Variants in ENPP2 observed in about 807,000 individuals in gnomAD.
ENPP2 encodes the protein ectonucleotide pyrophosphatase/phosphodiesterase 2.
A neutral mutation model predicts 120.2 loss-of-function variants in ENPP2; 51 were observed. The observed-to-expected ratio is 0.42, with a 90% CI of 0.34 to 0.54. The LOEUF (loss-of-function observed/expected upper bound fraction) is 0.54. Ranked by LOEUF, ENPP2 falls within the 20% of genes least tolerant of loss-of-function variation. The pLI is 0.04. For missense variants in ENPP2, 920 were observed against 1,066.5 expected (o/e 0.86, Z 1.91); for synonymous variants, 365 against 366.4 (o/e 1.00, Z 0.04).
chr8:119,575,726 G>C (rs755175), intron 19 of ENPP2, among the ~76,000 whole-genome samples: 89,542 of 151,998 alleles, frequency 0.59, 27,913 homozygotes, highest in African/African-American at 0.78. Flanking sequence ...ATGTGAAGTG[G>C]CTTGTTTAGT....
At chr8:119,609,249 T>C (rs1011330424) in intron 8 of ENPP2, among the ~76,000 whole-genome samples, 1 of 152,130 alleles carries the variant, frequency 6.6e-6, no homozygotes, top group Non-Finnish European at 1.5e-5. Context: ...TTGGAGCCTC[T>C]AGAAATCCTC....
chr8:119,605,712 C>T (rs1004784197), intron 9 of ENPP2, among the ~76,000 whole-genome samples: 42 of 98,100 alleles, frequency 4.3e-4, no homozygotes, highest in African/African-American at 2.5e-3. Flanking sequence ...AGGTGATCTG[C>T]CCACCTCAGC....
At chr8:119,616,893 A>C (rs969630887) in intron 7 of ENPP2, among the ~76,000 whole-genome samples, 2 of 152,244 alleles carry the variant, frequency 1.3e-5, no homozygotes, top group Non-Finnish European at 2.9e-5. Flanking sequence ...AATAAACAAT[A>C]GACCCTCTGG....
upstream of ENPP2, among the ~76,000 whole-genome samples, chr8:119,639,633 G>T (rs1352434204): frequency 2.0e-5 from 3 of 152,018 alleles, no homozygotes; most frequent in African/African-American, 7.3e-5. Context: ...GTTTTTGAGA[G>T]GCAGATGGGT....
chr8:119,633,729 G>C (rs1816823251), intron 2 of ENPP2, among the ~76,000 whole-genome samples: 1 of 151,766 alleles, frequency 6.6e-6, no homozygotes, highest in Non-Finnish European at 1.5e-5. Context: ...CAGTATCTTT[G>C]CTTCCTAAAT....
chr8:119,590,519 C>T lies in ENPP2; in HGVS notation c.1193G>A (p.Ser398Asn). 6.3e-7 allele frequency: 1 copy of T among 1,597,638 alleles called. No homozygotes were observed. The stretch of plus-strand genomic sequence containing the variant: ...AATCAACTTACATTTAGCATTGTTG[C>T]TAAATTTGGATCGAATTCTTCCTAG... ...GTLGRIRSKF[S>N]NNAKYDPKAI... Residue 398 changes from serine (S) to asparagine (N), a missense_variant, in exon 13 of 25, where the codon AGC becomes AAC. By Grantham distance (46) the Ser-to-Asn change is conservative (BLOSUM62 1). Transcript: ENST00000075322.
chr8:119,572,165 T>C, intron 19 of ENPP2: 1 of 1,538,480 alleles, frequency 6.5e-7, no homozygotes, highest in Non-Finnish European at 8.8e-7. Flanking sequence ...CCTTCAAAAC[T>C]CAAACCAAAC....
At chr8:119,623,446 C>T (rs1387113836) in intron 3 of ENPP2, among the ~76,000 whole-genome samples, 2 of 152,012 alleles carry the variant, frequency 1.3e-5, no homozygotes, top group African/African-American at 2.4e-5. Flanking sequence ...GCATGGGTGA[C>T]AGGAGGAGAC....
At chr8:119,592,179 C>T (rs775929897) in intron 12 of ENPP2, among the ~76,000 whole-genome samples, 8 of 152,118 alleles carry the variant, frequency 5.3e-5, no homozygotes, top group Non-Finnish European at 8.8e-5. Flanking sequence ...AAAGACCATG[C>T]CCTAAAACAC....
At chr8:119,664,550 A>T (rs111652730) in intron 1 of ENPP2, among the ~76,000 whole-genome samples, 1,768 of 152,354 alleles carry the variant, frequency 0.012, 40 homozygotes, top group African/African-American at 0.04. Flanking sequence ...ATAATGTTGT[A>T]CTGAGTGTTA....
chr8:119,590,706 T>C, intron 12 of ENPP2, 76 bp from the exon 13 acceptor site: 1 of 1,025,026 alleles, frequency 9.8e-7, no homozygotes, highest in South Asian at 2.1e-5. Context: ...AAAGATAACA[T>C]CCAGGCATCT....
chr8:119,607,506 T>G (rs1003892687), intron 9 of ENPP2, among the ~76,000 whole-genome samples: 1 of 151,986 alleles, frequency 6.6e-6, no homozygotes, highest in Non-Finnish European at 1.5e-5. Flanking sequence ...AAACCCTGTC[T>G]CTACTAAAGA....
rs1209460755 is a variant in ENPP2 at position 119,605,467 on chromosome 8, T to TGTA, written c.833+2454_833+2455insTAC. Among the ~76,000 whole-genome samples the TGTA allele has an allele frequency of 5.4e-3, 767 of 142,372 alleles. 3 individuals are homozygous for TGTA. Among genetic ancestry groups the TGTA allele is most frequent in the African/African-American group, 0.019 (713 of 37,550 alleles). 93.4% of individuals were successfully genotyped at this position (142,372 alleles called of 152,430 possible). A position where few individuals can be genotyped will look rare whatever the true frequency, so the allele number is the denominator to read the frequency against. On this transcript the variant is annotated intron_variant, in intron 9 of 24. Coordinates refer to ENST00000075322, the MANE Select transcript of ENPP2 (RefSeq NM_001040092.3). ...GTGTGTGTGTGTGTGTGTGTGTGTA[T>TGTA]TTTTTTTTTTGAGACAGAGTTTCAC...
chr8:119,613,135 G>C (rs925152064), intron 8 of ENPP2, among the ~76,000 whole-genome samples: 5 of 152,114 alleles, frequency 3.3e-5, no homozygotes, highest in Admixed American at 2.6e-4. Flanking sequence ...CAGGACCGTA[G>C]CAGAGAGAAT....
chr8:119,603,353 A>G (rs1814451194), intron 9 of ENPP2, among the ~76,000 whole-genome samples: 1 of 152,188 alleles, frequency 6.6e-6, no homozygotes, highest in South Asian at 2.1e-4. Context: ...CACTTTCAAT[A>G]CTAATGGAAA....
At chr8:119,599,880 G>A (rs775730563) in intron 11 of ENPP2, among the ~76,000 whole-genome samples, 3 of 151,962 alleles carry the variant, frequency 2.0e-5, no homozygotes, top group Admixed American at 6.6e-5. Flanking sequence ...GGTGGTGCAC[G>A]CCTGTAATCC....
intron 4 of ENPP2, 49 bp from the exon 5 acceptor site, chr8:119,619,353 C>G: frequency 7.9e-7 from 1 of 1,267,854 alleles, no homozygotes; most frequent in South Asian, 1.2e-5. Flanking sequence ...TTACAAATGC[C>G]ATGCCTTGAA....
chr8:119,597,458 A>C (rs1401327641), intron 11 of ENPP2, among the ~76,000 whole-genome samples: 1 of 152,194 alleles, frequency 6.6e-6, no homozygotes. Context: ...ATTATATCGC[A>C]TGTATTTCCT....
intron 2 of ENPP2, among the ~76,000 whole-genome samples, chr8:119,638,011 T>C (rs1817110325): frequency 6.6e-6 from 1 of 152,222 alleles, no homozygotes; most frequent in Admixed American, 6.5e-5. Flanking sequence ...CACTGCCTTT[T>C]TTACTTCCAT....
Sources: gnomAD v4.1 joint callset for allele counts (sites outside exome capture counted in the v4.1 genomes callset) on GRCh38, gnomAD v4.1.1 for gene constraint, MANE v1.5 for transcripts, NCBI Gene and HGNC (gene_info 2026-07-23, HGNC 2026-07-21) for gene names.